Variants in MBNL2 observed in about 807,000 individuals in gnomAD.
The protein encoded by MBNL2 is muscleblind-like protein 2.
In MBNL2, 17 loss-of-function variants were observed where a neutral mutation model predicts 41.9. The ratio of observed to expected loss-of-function variants is 0.41; its 90% CI spans 0.28 to 0.61. The LOEUF (loss-of-function observed/expected upper bound fraction) is 0.61, where lower values mean the gene tolerates loss of function less well. Among genes scored for constraint, MBNL2 ranks in the 20% least tolerant of loss-of-function variants. MBNL2 has a pLI of 0.35. For missense variants in MBNL2, 336 were observed against 505.6 expected, an observed-to-expected ratio of 0.66 and a Z score of 3.22; for synonymous variants, 195 against 182.9, an observed-to-expected ratio of 1.07 and a Z score of -0.53.
the MBNL2 span, among the ~76,000 whole-genome samples, chr13:97,142,028 A>C: frequency 6.6e-6 from 1 of 152,170 alleles, no homozygotes; most frequent in Non-Finnish European, 1.5e-5. Flanking sequence ...AGAGAAGGTT[A>C]ATTTGCAAAA....
At position 97,366,590 on chromosome 13, in the gene MBNL2, A is replaced by C; in HGVS notation, c.1048+1419A>C. The C allele has an allele frequency of 7.9e-7, 1 of 1,273,064 alleles. No homozygotes were observed. The highest frequency in any genetic ancestry group is 1.1e-6 in the Non-Finnish European group (1 of 873,674). 78.9% of individuals were successfully genotyped at this position (1,273,064 alleles called of 1,614,324 possible). A position where few individuals can be genotyped will look rare whatever the true frequency, so the allele number is the denominator to read the frequency against. The stretch of plus-strand genomic sequence containing the variant: ...TTAAAGCTTTCTTTCACAAATCCCA[A>C]ACTCTAAATGAGTGCTGATATTTAA... On this transcript the variant is annotated intron_variant, in intron 8 of 8. Coordinates refer to ENST00000679496, the MANE Select transcript of MBNL2 (RefSeq NM_001382683.1). The surrounding 1 kb of genome is among the most constrained non-coding windows in gnomAD (Gnocchi z 4.7).
At chr13:97,247,322 A>G (rs752545897) in intron 1 of MBNL2, among the ~76,000 whole-genome samples, 2 of 152,260 alleles carry the variant, frequency 1.3e-5, no homozygotes, top group Non-Finnish European at 2.9e-5. Context: ...GCTTTATGGT[A>G]ATAATATAAA....
At position 97,309,324 on chromosome 13, in the gene MBNL2, T is replaced by C. The variant is rs79312707; in HGVS notation, c.175-24952T>C. Among the ~76,000 whole-genome samples, 1,253 of 152,330 alleles carry C rather than the reference T, an allele frequency of 8.2e-3. 13 individuals are homozygous for C. Among genetic ancestry groups the C allele is most frequent in the African/African-American group, 0.028 (1,184 of 41,570 alleles). On this transcript the variant is annotated intron_variant, in intron 2 of 8. Transcript: ENST00000679496. ...TCATACCTTGAAGTTCAAACCACTGTTGTTGACTGTAACTTACTTGGAGAC... is the reference window on the plus strand; with the variant it reads ...TCATACCTTGAAGTTCAAACCACTGCTGTTGACTGTAACTTACTTGGAGAC...
chr13:97,340,684 G>A (rs1436353711), intron 3 of MBNL2, among the ~76,000 whole-genome samples: 1 of 152,080 alleles, frequency 6.6e-6, no homozygotes, highest in Non-Finnish European at 1.5e-5. Flanking sequence ...AAGTGTCAGA[G>A]TGCTAGGTTT....
At chr13:97,162,756 A>T in the MBNL2 span, among the ~76,000 whole-genome samples, 1 of 152,212 alleles carries the variant, frequency 6.6e-6, no homozygotes, top group Admixed American at 6.5e-5. Flanking sequence ...TGCTCACAGG[A>T]GTGTAAACCT....
chr13:97,343,821 T>C (rs1476594031), intron 4 of MBNL2, among the ~76,000 whole-genome samples: 1 of 152,220 alleles, frequency 6.6e-6, no homozygotes, highest in Admixed American at 6.5e-5. Flanking sequence ...TTGGTTTGGT[T>C]TTGAGACGTA....
At chr13:97,185,935 A>C in the MBNL2 span, among the ~76,000 whole-genome samples, 1 of 152,016 alleles carries the variant, frequency 6.6e-6, no homozygotes, top group African/African-American at 2.4e-5. Context: ...GCTACCTCTC[A>C]CCCGGCATTC....
chr13:97,368,405 C>A (rs918873653), intron 8 of MBNL2, among the ~76,000 whole-genome samples: 5 of 77,708 alleles, frequency 6.4e-5, no homozygotes, highest in African/African-American at 2.5e-4. Context: ...CAGAGTGACA[C>A]CCTGTCTTAA....
chr13:97,278,700 A>T (rs2052707442), intron 2 of MBNL2, among the ~76,000 whole-genome samples: 1 of 152,216 alleles, frequency 6.6e-6, no homozygotes, highest in African/African-American at 2.4e-5. Context: ...TCATTTTCAG[A>T]AGTGCCTGCT....
chr13:97,311,433 CCT>C (rs1160966523), intron 2 of MBNL2, among the ~76,000 whole-genome samples: 1 of 152,108 alleles, frequency 6.6e-6, no homozygotes. Flanking sequence ...GCGTGAATCC[CCT>C]CTCACCATGT....
In MBNL2 at chr13:97,343,127, A is replaced by C; in HGVS notation, c.451A>C (p.Thr151Pro). 1.2e-6 allele frequency: 2 copies of C among 1,614,074 alleles called. No homozygotes were observed. Among genetic ancestry groups the C allele is most frequent in the Non-Finnish European group, 1.7e-6 (2 of 1,179,960 alleles). ...GTTGGTCCCAACGGAAATTCTGCCCACCACGCCTGTTATTGTTCCCGGAAG... is the reference window on the plus strand; with the variant it reads ...GTTGGTCCCAACGGAAATTCTGCCCCCCACGCCTGTTATTGTTCCCGGAAG... ...VGLVPTEILPTTPVIVPGSPP... is the reference protein window; with the variant it reads ...VGLVPTEILPPTPVIVPGSPP... The change falls in exon 4 of 9, where the codon ACC (threonine) becomes CCC (proline). Residue 151 changes from threonine (T) to proline (P), a missense_variant. Coordinates refer to ENST00000679496, the MANE Select transcript of MBNL2 (RefSeq NM_001382683.1).
intron 1 of MBNL2, among the ~76,000 whole-genome samples, chr13:97,250,146 C>A (rs1269958115): frequency 6.6e-6 from 1 of 152,078 alleles, no homozygotes; most frequent in Non-Finnish European, 1.5e-5. Context: ...ACCAATAATT[C>A]TTAGGTTGAA....
chr13:97,305,639 C>G (rs1225734876), intron 2 of MBNL2, among the ~76,000 whole-genome samples: 5 of 152,042 alleles, frequency 3.3e-5, no homozygotes, highest in African/African-American at 1.2e-4. Context: ...GTGGCACGCA[C>G]TTGTAGTTCC....
the MBNL2 span, among the ~76,000 whole-genome samples, chr13:97,201,064 G>C: frequency 6.6e-6 from 1 of 151,586 alleles, no homozygotes; most frequent in Admixed American, 6.6e-5. Flanking sequence ...CAAGCTAATG[G>C]ACCAAAAAGA....
intron 8 of MBNL2, among the ~76,000 whole-genome samples, chr13:97,372,864 G>A (rs938123118): frequency 1.3e-5 from 2 of 152,144 alleles, no homozygotes; most frequent in Non-Finnish European, 2.9e-5. Flanking sequence ...TCATCTCAGA[G>A]TTTTATAAAA....
At chr13:97,233,171 A>ATC (rs2042685350) in intron 1 of MBNL2, among the ~76,000 whole-genome samples, 1 of 108,792 alleles carries the variant, frequency 9.2e-6, no homozygotes, top group African/African-American at 3.6e-5. Context: ...ATATATATAT[A>ATC]TATATCTTTT....
At chr13:97,290,548 C>A (rs894123421) in intron 2 of MBNL2, among the ~76,000 whole-genome samples, 2 of 151,964 alleles carry the variant, frequency 1.3e-5, no homozygotes, top group African/African-American at 4.8e-5. Flanking sequence ...CGGTGGCGGG[C>A]GCCTGTAGTC....
At chr13:97,266,718 T>A (rs1457761897) in intron 1 of MBNL2, among the ~76,000 whole-genome samples, 3 of 152,038 alleles carry the variant, frequency 2.0e-5, no homozygotes, top group Admixed American at 6.5e-5. Context: ...CATTATTTTT[T>A]AAAAATATAT....
intron 2 of MBNL2, among the ~76,000 whole-genome samples, chr13:97,296,577 G>A (rs922069275): frequency 6.6e-6 from 1 of 152,102 alleles, no homozygotes; most frequent in Non-Finnish European, 1.5e-5. Flanking sequence ...GCTATTCATG[G>A]CCCTTCAGTG....
Sources: gnomAD v4.1 joint callset for allele counts (sites outside exome capture counted in the v4.1 genomes callset) on GRCh38, gnomAD v4.1.1 for gene constraint, Gnocchi (gnomAD v3.1) non-coding constraint, MANE v1.5 for transcripts, NCBI Gene and HGNC (gene_info 2026-07-23, HGNC 2026-07-21) for gene names.